Variants in EPHB1 observed in about 807,000 individuals in gnomAD.
EPHB1 encodes the protein EPH receptor B1.
Under a neutral mutation model 94.4 loss-of-function variants are expected in EPHB1, and 30 were observed. The observed-to-expected ratio is 0.32, with a 90% CI of 0.24 to 0.43. The LOEUF (loss-of-function observed/expected upper bound fraction) is 0.43, where lower values mean the gene tolerates loss of function less well. EPHB1 is among the 20% of genes least tolerant of loss of function. The probability of loss-of-function intolerance (pLI) is 1.00; values close to 1 mark genes in which losing one functional copy is unlikely to be tolerated. For missense variants in EPHB1, 1,055 were observed against 1,308.3 expected, an observed-to-expected ratio of 0.81 and a Z score of 2.99; for synonymous variants, 522 against 489.1, an observed-to-expected ratio of 1.07 and a Z score of -0.89.
At chr3:134,983,447 C>G (rs191031552) in intron 3 of EPHB1, among the ~76,000 whole-genome samples, 1 of 152,206 alleles carries the variant, frequency 6.6e-6, no homozygotes, top group African/African-American at 2.4e-5. Context: ...CTCAGTGGGG[C>G]TCAATGCTAA....
At chr3:135,201,162 G>T (rs1171842979) in intron 11 of EPHB1, among the ~76,000 whole-genome samples, 2 of 152,078 alleles carry the variant, frequency 1.3e-5, no homozygotes, top group Non-Finnish European at 1.5e-5. Flanking sequence ...GAATGGATTG[G>T]GGGGCGGGCA....
At chr3:135,165,449 G>C (rs540162745) in intron 7 of EPHB1, among the ~76,000 whole-genome samples, 19 of 152,328 alleles carry the variant, frequency 1.2e-4, no homozygotes, top group African/African-American at 4.3e-4. Flanking sequence ...CGGGAACTCA[G>C]AGTGCTGGGC....
At chr3:135,100,249 C>A (rs902446267) in intron 3 of EPHB1, among the ~76,000 whole-genome samples, 3 of 152,142 alleles carry the variant, frequency 2.0e-5, no homozygotes, top group African/African-American at 7.2e-5. Flanking sequence ...ATTTATGCTG[C>A]ATAAAAATGT....
chr3:135,208,243 G>C (rs993188598), intron 12 of EPHB1, among the ~76,000 whole-genome samples: 1 of 150,486 alleles, frequency 6.6e-6, no homozygotes, highest in African/African-American at 2.4e-5. Context: ...TTCCCCAAAC[G>C]CTGTGATAGG....
chr3:134,976,863 G>C (rs1348036264), intron 3 of EPHB1, among the ~76,000 whole-genome samples: 1 of 152,166 alleles, frequency 6.6e-6, no homozygotes, highest in Non-Finnish European at 1.5e-5. Context: ...CTCCCAGTAG[G>C]TGGAGACTTT....
intron 12 of EPHB1, among the ~76,000 whole-genome samples, chr3:135,237,064 C>A (rs548003872): frequency 6.6e-6 from 1 of 152,010 alleles, no homozygotes; most frequent in African/African-American, 2.4e-5. Flanking sequence ...TTACCATGTC[C>A]CCAGCAGGGT....
chr3:134,886,546 T>C (rs2108313813), intron 1 of EPHB1, among the ~76,000 whole-genome samples: 1 of 152,368 alleles, frequency 6.6e-6, no homozygotes, highest in East Asian at 1.9e-4. Flanking sequence ...ATCGGATCTA[T>C]GGCACAGATA....
At chr3:135,143,163 C>T (rs1940885200) in intron 5 of EPHB1, among the ~76,000 whole-genome samples, 1 of 151,202 alleles carries the variant, frequency 6.6e-6, no homozygotes, top group Non-Finnish European at 1.5e-5. Flanking sequence ...AAGTGGAGGG[C>T]CCAGGGTGGG....
At chr3:135,095,843 T>A (rs1031096928) in intron 3 of EPHB1, among the ~76,000 whole-genome samples, 4 of 152,208 alleles carry the variant, frequency 2.6e-5, no homozygotes, top group African/African-American at 9.7e-5. Flanking sequence ...TACCTCTGCC[T>A]GTTATAGGGG....
At chr3:135,237,590 T>C (rs1313552154) in intron 12 of EPHB1, among the ~76,000 whole-genome samples, 1 of 152,070 alleles carries the variant, frequency 6.6e-6, no homozygotes, top group African/African-American at 2.4e-5. Context: ...ACCCATACCC[T>C]TAGCATCCCC....
At chr3:135,221,421 A>C (rs1943277685) in intron 12 of EPHB1, among the ~76,000 whole-genome samples, 1 of 152,220 alleles carries the variant, frequency 6.6e-6, no homozygotes, top group Non-Finnish European at 1.5e-5. Flanking sequence ...TTTGGTATCC[A>C]TTACCGTACT....
intron 3 of EPHB1, among the ~76,000 whole-genome samples, chr3:135,103,457 T>G (rs2107797665): frequency 6.6e-6 from 1 of 152,320 alleles, no homozygotes; most frequent in Admixed American, 6.5e-5. Flanking sequence ...CTTGCTTTTG[T>G]TTTTTAAAGG....
At chr3:134,952,841 AG>A (rs1933088988) in intron 3 of EPHB1, among the ~76,000 whole-genome samples, 1 of 152,222 alleles carries the variant, frequency 6.6e-6, no homozygotes, top group African/African-American at 2.4e-5. Flanking sequence ...CTGCAGGCTC[AG>A]TCTGCTCTGG....
At chr3:135,149,552 A>G (rs962926715) in intron 5 of EPHB1, among the ~76,000 whole-genome samples, 8 of 152,230 alleles carry the variant, frequency 5.3e-5, no homozygotes, top group African/African-American at 1.4e-4. Context: ...TTCATAGCAC[A>G]TAAAACAACA....
At chr3:134,860,150 G>GACAC (rs10642036) in intron 1 of EPHB1, among the ~76,000 whole-genome samples, 9,608 of 142,902 alleles carry the variant, frequency 0.067, 344 homozygotes, top group South Asian at 0.12. Context: ...AGAAGGAAGG[G>GACAC]ACACACACAC....
intron 1 of EPHB1, among the ~76,000 whole-genome samples, chr3:134,890,366 A>G (rs2037955244): frequency 6.6e-6 from 1 of 152,248 alleles, no homozygotes; most frequent in South Asian, 2.1e-4. Flanking sequence ...CTAGTCCATT[A>G]CTGCCAAAGC....
chr3:134,882,990 T>C (rs990649004), intron 1 of EPHB1, among the ~76,000 whole-genome samples: 6 of 151,908 alleles, frequency 3.9e-5, no homozygotes, highest in Admixed American at 1.3e-4. Flanking sequence ...GTCTGGCTAA[T>C]TTTTTGTATT....
intron 1 of EPHB1, among the ~76,000 whole-genome samples, chr3:134,916,081 G>C (rs1054882562): frequency 2.6e-5 from 4 of 152,196 alleles, no homozygotes; most frequent in African/African-American, 7.2e-5. Context: ...CCCTGAGCTA[G>C]ACACAAACGT....
chr3:134,971,847 G>A (rs1384083072), intron 3 of EPHB1, among the ~76,000 whole-genome samples: 1 of 152,172 alleles, frequency 6.6e-6, no homozygotes, highest in Non-Finnish European at 1.5e-5. Context: ...CTCATTTCCA[G>A]CACTGGATTG....
Sources: allele counts gnomAD v4.1 joint callset (sites outside exome capture counted in the v4.1 genomes callset), GRCh38; gene constraint gnomAD v4.1.1; transcripts MANE v1.5; gene names NCBI Gene and HGNC (gene_info 2026-07-23, HGNC 2026-07-21).